SLC44A1: variants seen among roughly 807,000 people sequenced by gnomAD.
SLC44A1 encodes the protein solute carrier family 44 member 1.
In SLC44A1, 26 loss-of-function variants were observed where a neutral mutation model predicts 79.3. The observed-to-expected ratio is 0.33, with a 90% CI of 0.24 to 0.46. SLC44A1 has a LOEUF of 0.46. Among genes scored for constraint, SLC44A1 ranks in the 20% least tolerant of loss-of-function variants. The pLI is 1.00. For synonymous variants in SLC44A1, 263 were observed against 286.2 expected (o/e 0.92, Z 0.82); for missense variants, 688 against 798.1 (o/e 0.86, Z 1.66).
At position 105,389,171 on chromosome 9, in the gene SLC44A1, A is replaced by G. The variant is rs1191718732; in HGVS notation, c.*115A>G. 7.4e-6 allele frequency: 11 copies of G among 1,480,528 alleles called. No homozygotes were observed. The highest frequency in any genetic ancestry group is 1.8e-4 in the Middle Eastern group (1 of 5,490). 91.7% of individuals were successfully genotyped at this position (1,480,528 alleles called of 1,614,324 possible). A position where few individuals can be genotyped will look rare whatever the true frequency, so the allele number is the denominator to read the frequency against. ...TGTATATGTATGTGTGTATATATGT[A>G]TATGTATATACACACACACACATAA... On this transcript the variant is annotated 3_prime_UTR_variant, in exon 16 of 16. Coordinates refer to ENST00000374720, the MANE Select transcript of SLC44A1 (RefSeq NM_080546.5).
chr9:105,312,005 A>G (rs1831194449), intron 3 of SLC44A1, among the ~76,000 whole-genome samples: 1 of 152,030 alleles, frequency 6.6e-6, no homozygotes, highest in Non-Finnish European at 1.5e-5. Flanking sequence ...GCCCTTGTGT[A>G]GCTATATAGT....
chr9:105,412,648 C>T (rs1829111723), intron 15 of SLC44A1, among the ~76,000 whole-genome samples: 1 of 152,082 alleles, frequency 6.6e-6, no homozygotes, highest in Admixed American at 6.6e-5. Flanking sequence ...GTCACCCAGG[C>T]TGGAGTGCAG....
In SLC44A1 at chr9:105,395,301, C is replaced by G. The variant is rs1054396687; in HGVS notation, c.*6245C>G. 9 of 553,032 alleles carry G rather than the reference C, an allele frequency of 1.6e-5. No individual in the cohort carries two copies. The highest frequency in any genetic ancestry group is 2.1e-5 in the Non-Finnish European group (9 of 435,558). 34.3% of individuals were successfully genotyped at this position (553,032 alleles called of 1,614,324 possible). A position where few individuals can be genotyped will look rare whatever the true frequency, so the allele number is the denominator to read the frequency against. On this transcript the variant is annotated 3_prime_UTR_variant, in exon 16 of 16. Transcript: ENST00000374720. ...TGGCTCAATCTTAGCTCACTGCAAC[C>G]TCCACCTCCCAGGTTCAAGTGATTC...
At chr9:105,265,674 A>G (rs1471588758) in intron 1 of SLC44A1, among the ~76,000 whole-genome samples, 2 of 152,232 alleles carry the variant, frequency 1.3e-5, no homozygotes, top group Admixed American at 1.3e-4. Context: ...GTGAATGTTT[A>G]TAAGAATCTG....
rs749406677 is a variant in SLC44A1 at position 105,361,254 on chromosome 9, C to T, written c.824C>T (p.Thr275Ile). Residue 275 changes from threonine (T) to isoleucine (I), a missense_variant, in exon 8 of 16, where the codon ACT becomes ATT. Coordinates refer to ENST00000374720, the MANE Select transcript of SLC44A1 (RefSeq NM_080546.5). Reference protein sequence around the residue: ...KQRRSPKETVTPEQLQIAEDN... With the variant: ...KQRRSPKETVIPEQLQIAEDN... The stretch of plus-strand genomic sequence containing the variant: ...AGAAGGTCTCCCAAAGAAACTGTTA[C>T]TCCTGAGCAGCTTCAGATAGCTGAA... 1.2e-6 allele frequency: 2 copies of T among 1,613,846 alleles called. No homozygotes were observed. The highest frequency in any genetic ancestry group is 2.2e-5 in the South Asian group (2 of 91,054).
At chr9:105,336,060 T>A (rs1292190714) in intron 4 of SLC44A1, among the ~76,000 whole-genome samples, 1 of 152,120 alleles carries the variant, frequency 6.6e-6, no homozygotes, top group African/African-American at 2.4e-5. Context: ...GTATTTCAAT[T>A]CACATATATA....
intron 1 of SLC44A1, among the ~76,000 whole-genome samples, chr9:105,256,224 C>G (rs930788903): frequency 2.6e-5 from 4 of 151,990 alleles, no homozygotes; most frequent in East Asian, 1.9e-4. Flanking sequence ...GTTGCCCAGG[C>G]TGGTCTTGAA....
At chr9:105,305,017 C>T (rs142974000) in intron 2 of SLC44A1, among the ~76,000 whole-genome samples, 7,453 of 113,796 alleles carry the variant, frequency 0.065, 307 homozygotes, top group Middle Eastern at 0.1. Flanking sequence ...ATTGCCCAGG[C>T]TGGAGTGCAG....
In SLC44A1 at chr9:105,393,969, AATTTAAT is replaced by A. The variant is rs1190017929; in HGVS notation, c.*4918_*4924del. 21 of 984,000 alleles carry A rather than the reference AATTTAAT, an allele frequency of 2.1e-5. No individual in the cohort carries two copies. In the African/African-American group the frequency reaches 3.5e-4, roughly 16 times the overall value. 61.0% of individuals were successfully genotyped at this position (984,000 alleles called of 1,614,324 possible). On this transcript the variant is annotated 3_prime_UTR_variant, in exon 16 of 16. Transcript: ENST00000374720. ...TCTCACTTTTATTTGCTAAGACCTG[AATTTAAT>A]ATTTGATATTCAAAAACAAGTTATT...
At chr9:105,246,939 A>G (rs983924229) in intron 1 of SLC44A1, among the ~76,000 whole-genome samples, 4 of 152,192 alleles carry the variant, frequency 2.6e-5, no homozygotes, top group Non-Finnish European at 4.4e-5. Flanking sequence ...TTCCACAGAT[A>G]AGATGCATGT....
intron 12 of SLC44A1, among the ~76,000 whole-genome samples, chr9:105,370,600 C>G (rs185569781): frequency 6.8e-4 from 103 of 152,146 alleles, no homozygotes; most frequent in African/African-American, 2.3e-3. Context: ...AATAATAATT[C>G]TCAAATGAAA....
chr9:105,264,795 GA>G (rs1829921012), intron 1 of SLC44A1, among the ~76,000 whole-genome samples: 1 of 144,266 alleles, frequency 6.9e-6, no homozygotes, highest in Admixed American at 6.8e-5. Context: ...ATCATACCTG[GA>G]ATTTTTTTTT....
At position 105,344,916 on chromosome 9, in the gene SLC44A1, A is replaced by T. The variant is rs146338486; in HGVS notation, c.407-3442A>T. Among the ~76,000 whole-genome samples the T allele has an allele frequency of 5.1e-3, 774 of 152,302 alleles. 3 individuals carry two copies. The highest frequency in any genetic ancestry group is 0.017 in the African/African-American group (722 of 41,558). On this transcript the variant is annotated intron_variant, in intron 4 of 15. Transcript: ENST00000374720. ...AGTAGTGTGTAGAAATTCTGCTCAG[A>T]CGTCAACACTCAGGTGCTAGCTGGG...
rs1479104010 is a variant in SLC44A1, at chr9:105,383,342, A to G, written c.1852A>G (p.Met618Val). The change falls in exon 14 of 16, where the codon ATG (methionine) becomes GTG (valine). Residue 618 changes from methionine (M) to valine (V), a missense_variant. By Grantham distance (21) the Met-to-Val change is conservative. Coordinates refer to ENST00000374720, the MANE Select transcript of SLC44A1 (RefSeq NM_080546.5). ...NDGSPGREFY[M>V]DKVLMEFVEN... ...TGGGAGCCCTGGCAGAGAATTCTATATGGATAAAGTGCTGATGGTAAGTAC... is the reference window on the plus strand; with the variant it reads ...TGGGAGCCCTGGCAGAGAATTCTATGTGGATAAAGTGCTGATGGTAAGTAC... 1.9e-6 allele frequency: 3 copies of G among 1,599,570 alleles called. No individual in the cohort carries two copies. The African/African-American group carries it at 4.0e-5, about 21-fold the overall frequency.
chr9:105,404,431 G>A (rs374330999), intron 15 of SLC44A1, among the ~76,000 whole-genome samples: 14 of 152,188 alleles, frequency 9.2e-5, no homozygotes, highest in Middle Eastern at 3.4e-3. Flanking sequence ...CACCTGGAAA[G>A]AACCACTTTA....
chr9:105,391,517 A>G lies in SLC44A1; in HGVS notation c.*2461A>G, dbSNP rs1354547734. ...GCCGTGTAGAAATATGCAGATATGC[A>G]TTACACAGGCACACACAGAGAGATA... is the stretch of plus-strand genomic sequence containing the variant. On this transcript the variant is annotated 3_prime_UTR_variant, in exon 16 of 16. Coordinates refer to ENST00000374720, the MANE Select transcript of SLC44A1 (RefSeq NM_080546.5). 1 of 985,604 alleles carries G rather than the reference A, an allele frequency of 1.0e-6. No homozygotes were observed. The highest frequency in any genetic ancestry group is 4.7e-5 in the South Asian group (1 of 21,278). 61.1% of individuals were successfully genotyped at this position (985,604 alleles called of 1,614,324 possible). A position where few individuals can be genotyped will look rare whatever the true frequency, so the allele number is the denominator to read the frequency against.
intron 3 of SLC44A1, among the ~76,000 whole-genome samples, chr9:105,334,289 T>G (rs1402006786): frequency 2.0e-5 from 3 of 151,682 alleles, no homozygotes; most frequent in Admixed American, 2.0e-4. Flanking sequence ...TCATGCCGGG[T>G]TCCCAGTCCC....
chr9:105,362,053 C>CGT (rs200273035), intron 8 of SLC44A1, among the ~76,000 whole-genome samples: 5,668 of 151,102 alleles, frequency 0.038, 352 homozygotes, highest in African/African-American at 0.13. Context: ...TTTGTGTGTG[C>CGT]GTGTGTGTGC....
chr9:105,304,185 A>G (rs931392243), intron 2 of SLC44A1, among the ~76,000 whole-genome samples: 10 of 152,260 alleles, frequency 6.6e-5, no homozygotes, highest in African/African-American at 1.9e-4. Flanking sequence ...TATTTTATAT[A>G]GCATTGATTT....
Sources: gnomAD v4.1 joint callset for allele counts (sites outside exome capture counted in the v4.1 genomes callset) on GRCh38, gnomAD v4.1.1 for gene constraint, MANE v1.5 for transcripts, NCBI Gene and HGNC (gene_info 2026-07-23, HGNC 2026-07-21) for gene names.